Variants in PIWIL1 observed in about 807,000 individuals in gnomAD.
PIWIL1 encodes the protein piwi-like protein 1.
A neutral mutation model predicts 114.4 loss-of-function variants in PIWIL1; 73 were observed. The observed-to-expected ratio is 0.64, with a 90% CI of 0.53 to 0.78. The LOEUF (loss-of-function observed/expected upper bound fraction) is 0.78, where lower values mean the gene tolerates loss of function less well. Ranked by LOEUF, PIWIL1 falls within the 30% of genes least tolerant of loss-of-function variation. The pLI, the probability that PIWIL1 is intolerant of heterozygous loss-of-function variation, is 0.00. For missense variants in PIWIL1, 723 were observed against 1,063.1 expected, an observed-to-expected ratio of 0.68 and a Z score of 4.45; for synonymous variants, 375 against 369.0, an observed-to-expected ratio of 1.02 and a Z score of -0.19.
downstream of PIWIL1, among the ~76,000 whole-genome samples, chr12:130,373,707 C>G (rs1420007319): frequency 2.0e-5 from 3 of 152,124 alleles, no homozygotes; most frequent in African/African-American, 7.2e-5. Context: ...TTGCCAGGGA[C>G]TTTTGGCAAA....
At chr12:130,348,376 T>TGTCA (rs748252540) in intron 7 of PIWIL1, among the ~76,000 whole-genome samples, 193 bp downstream of exon 7, 10 of 152,362 alleles carry the variant, frequency 6.6e-5, no homozygotes, top group South Asian at 6.2e-4. Context: ...GTAATTTACC[T>TGTCA]GTCACTAGGG....
chr12:130,419,158 C>G, the PIWIL1 span, among the ~76,000 whole-genome samples: 2 of 152,184 alleles, frequency 1.3e-5, no homozygotes, highest in African/African-American at 4.8e-5. This position sits in a 1 kb window ranked among gnomAD's most constrained non-coding sequence, Gnocchi z 4.3. Context: ...CTTGGCTTCA[C>G]TGCAGACTGG....
At chr12:130,352,743 G>A (rs4759659) in intron 9 of PIWIL1, among the ~76,000 whole-genome samples, 51,969 of 152,022 alleles carry the variant, frequency 0.34, 10,306 homozygotes, top group Non-Finnish European at 0.45. Flanking sequence ...GGGGCGTAGC[G>A]AGTACAAGTT....
chr12:130,341,158 A>G (rs2072909046), intron 1 of PIWIL1, among the ~76,000 whole-genome samples: 1 of 152,198 alleles, frequency 6.6e-6, no homozygotes, highest in African/African-American at 2.4e-5. Context: ...TGTGTTGAGT[A>G]TCCAAGCTGT....
chr12:130,344,199 T>A (rs979397061), intron 3 of PIWIL1, among the ~76,000 whole-genome samples: 1 of 152,156 alleles, frequency 6.6e-6, no homozygotes, highest in Non-Finnish European at 1.5e-5. Context: ...TAAGACAAAT[T>A]AAAAATTTTT....
intron 18 of PIWIL1, among the ~76,000 whole-genome samples, chr12:130,366,266 C>A (rs1281458520): frequency 6.6e-6 from 1 of 152,062 alleles, no homozygotes; most frequent in Non-Finnish European, 1.5e-5. Context: ...ACAAGTGTGG[C>A]TGCTTCAGAA....
At chr12:130,341,167 G>C (rs1037071639) in intron 1 of PIWIL1, among the ~76,000 whole-genome samples, 1 of 152,196 alleles carries the variant, frequency 6.6e-6, no homozygotes, top group Non-Finnish European at 1.5e-5. Context: ...TATCCAAGCT[G>C]TCTGCAGGAC....
At chr12:130,354,385 A>G (rs971641363) in intron 9 of PIWIL1, 152 bp from the exon 10 acceptor site, 1 of 903,496 alleles carries the variant, frequency 1.1e-6, no homozygotes, top group African/African-American at 1.7e-5. Context: ...ATGTTAAAAA[A>G]AATGCCTTTT....
the PIWIL1 span, among the ~76,000 whole-genome samples, chr12:130,388,667 C>T: frequency 1.3e-5 from 2 of 152,044 alleles, no homozygotes; most frequent in Non-Finnish European, 2.9e-5. Flanking sequence ...TGATATTGTA[C>T]ATTTTTGTTT....
chr12:130,381,042 C>A, the PIWIL1 span, among the ~76,000 whole-genome samples: 4 of 152,052 alleles, frequency 2.6e-5, no homozygotes, highest in Non-Finnish European at 5.9e-5. Flanking sequence ...CCAGCCTCCC[C>A]CATATCAACA....
intron 18 of PIWIL1, among the ~76,000 whole-genome samples, chr12:130,364,887 A>G (rs1402497102): frequency 6.6e-6 from 1 of 152,216 alleles, no homozygotes; most frequent in East Asian, 1.9e-4. Context: ...GAAATGATGA[A>G]TAGAGGTCAT....
At chr12:130,391,114 C>G in the PIWIL1 span, among the ~76,000 whole-genome samples, 5 of 152,224 alleles carry the variant, frequency 3.3e-5, no homozygotes, top group Non-Finnish European at 5.9e-5. Context: ...ACTGTTCTCT[C>G]CCTGCTTCCT....
chr12:130,400,308 T>C, the PIWIL1 span, among the ~76,000 whole-genome samples: 3 of 152,176 alleles, frequency 2.0e-5, no homozygotes, highest in African/African-American at 7.2e-5. Context: ...TCCCTCTTAC[T>C]CATGGATAGG....
the PIWIL1 span, among the ~76,000 whole-genome samples, chr12:130,390,756 C>A: frequency 6.6e-6 from 1 of 152,206 alleles, no homozygotes; most frequent in South Asian, 2.1e-4. Flanking sequence ...TCCCCTCCCT[C>A]CCTTTCACCC....
At chr12:130,401,566 C>G in the PIWIL1 span, among the ~76,000 whole-genome samples, 1 of 151,754 alleles carries the variant, frequency 6.6e-6, no homozygotes, top group Non-Finnish European at 1.5e-5. Context: ...CCTTGAAGGT[C>G]CTACTCTTAT....
At chr12:130,406,354 T>C in the PIWIL1 span, 2 of 680,634 alleles carry the variant, frequency 2.9e-6, no homozygotes, top group South Asian at 2.1e-5. Flanking sequence ...CTGGTATTAA[T>C]CTACTCTTTC....
chr12:130,412,858 GGTAA>G, the PIWIL1 span: 1 of 1,381,080 alleles, frequency 7.2e-7, no homozygotes, highest in Non-Finnish European at 9.9e-7. Flanking sequence ...TCCCACTGAC[GGTAA>G]GTGAGTGTAG....
the PIWIL1 span, chr12:130,424,380 A>G: frequency 8.1e-7 from 1 of 1,232,582 alleles, no homozygotes; most frequent in Non-Finnish European, 1.0e-6. This position sits in a 1 kb window ranked among gnomAD's most constrained non-coding sequence, Gnocchi z 9.8. Context: ...CTGCCGGGTC[A>G]GCGTCCGCCG....
rs2073505605 is a variant in PIWIL1 at position 130,361,446 on chromosome 12, TA to T, written c.1867-49del. 2.5e-6 allele frequency: 4 copies of T among 1,610,104 alleles called. No homozygotes were observed. The South Asian group carries it at 4.4e-5, about 18-fold the overall frequency. On this transcript the variant is annotated intron_variant, in intron 15 of 20. Transcript: ENST00000245255. ...TATTTAAGAACATGGATTTACTTTT[TA>T]AATGTTGCTGGTACTCCATTGTATC...
Sources: allele counts gnomAD v4.1 joint callset (sites outside exome capture counted in the v4.1 genomes callset), GRCh38; gene constraint gnomAD v4.1.1; non-coding constraint Gnocchi (gnomAD v3.1); transcripts MANE v1.5; gene names NCBI Gene and HGNC (gene_info 2026-07-23, HGNC 2026-07-21).